Variants in ATM observed in about 807,000 individuals in gnomAD.
ATM encodes the protein ATM serine/threonine kinase, also known as serine-protein kinase ATM.
A neutral mutation model predicts 387.0 loss-of-function variants in ATM; 308 were observed. The observed-to-expected ratio is 0.80, with a 90% CI of 0.73 to 0.87. ATM has a LOEUF of 0.87. Among genes scored for constraint, ATM ranks in the 40% least tolerant of loss-of-function variants. The probability of loss-of-function intolerance (pLI) is 0.00; values close to 1 mark genes in which losing one functional copy is unlikely to be tolerated. For synonymous variants in ATM, 1,156 were observed against 1,187.3 expected, an observed-to-expected ratio of 0.97 and a Z score of 0.54; for missense variants, 3,312 against 3,560.9, an observed-to-expected ratio of 0.93 and a Z score of 1.78.
chr11:108,241,738 C>CTTTTTTTTTTT (rs1235260816), intron 5 of ATM, among the ~76,000 whole-genome samples: 7 of 82,088 alleles, frequency 8.5e-5, no homozygotes, highest in Admixed American at 1.6e-4. Flanking sequence ...GTCTTTCTTT[C>CTTTTTTTTTTT]TTTCTTTTTT....
At chr11:108,256,733 G>A (rs921021792) in intron 14 of ATM, among the ~76,000 whole-genome samples, 3 of 151,944 alleles carry the variant, frequency 2.0e-5, no homozygotes, top group Non-Finnish European at 4.4e-5. Flanking sequence ...TGTTCTCATT[G>A]TTCAGCTGCC....
At chr11:108,334,069 A>G in intron 54 of ATM, 101 bp downstream of exon 54, 3 of 895,602 alleles carry the variant, frequency 3.3e-6, no homozygotes, top group Non-Finnish European at 5.4e-6. Flanking sequence ...TTGGTTAAAT[A>G]TTGGCAAATT....
chr11:108,255,974 C>G (rs1392826715), intron 13 of ATM, among the ~76,000 whole-genome samples: 1 of 152,104 alleles, frequency 6.6e-6, no homozygotes, highest in Non-Finnish European at 1.5e-5. Context: ...ACCCTCCACC[C>G]TAAGATGATA....
chr11:108,303,104 A>AT, intron 36 of ATM, 75 bp downstream of exon 36: 1 of 1,338,412 alleles, frequency 7.5e-7, no homozygotes, highest in Non-Finnish European at 1.1e-6. Context: ...GATACTGCAC[A>AT]TCATCTTCAC....
At chr11:108,249,164 A>T (rs2079996803) in intron 9 of ATM, 62 bp downstream of exon 9, 1 of 1,586,224 alleles carries the variant, frequency 6.3e-7, no homozygotes, top group Admixed American at 1.7e-5. Context: ...ATTTTTCAGA[A>T]AACTTTCAGT....
intron 55 of ATM, chr11:108,335,441 G>C: frequency 1.8e-6 from 1 of 541,710 alleles, no homozygotes. Context: ...GACGTCCTTT[G>C]CATCAGTATA....
intron 16 of ATM, among the ~76,000 whole-genome samples, chr11:108,260,777 G>A (rs1206975955): frequency 1.3e-5 from 2 of 152,200 alleles, no homozygotes. Context: ...AGGTCAGTGG[G>A]TGTGCGCACC....
Position 108,327,574 on chromosome 11 carries a change from C to T in ATM, c.6976-71C>T, listed in dbSNP as rs3092830. On this transcript the variant is annotated intron_variant, in intron 47 of 62. Transcript: ENST00000675843. ...AACATTTTTAACCTGCTTTTTTCCC[C>T]GTACATGAAGGGCAGTTGGGTACAG... The T allele has an allele frequency of 2.4e-3, 3,109 of 1,284,132 alleles. 42 individuals carry two copies. The African/African-American group carries it at 0.032, about 13-fold the overall frequency. The allele number at this position is 1,284,132 out of a possible 1,614,324, so 79.5% of individuals were successfully genotyped here.
intron 12 of ATM, 81 bp from the exon 13 acceptor site, chr11:108,253,733 C>A: frequency 1.0e-6 from 1 of 978,102 alleles, no homozygotes. Context: ...TTAATGTTTT[C>A]CTTTGTAATA....
chr11:108,332,008 G>A lies in ATM; in HGVS notation c.7759G>A (p.Val2587Met), dbSNP rs1285491916. Residue 2587 changes from valine to methionine, a missense_variant, in exon 52 of 63, where the codon GTG becomes ATG. Physicochemically the swap from Val to Met is conservative, Grantham distance 21. Around this residue, in one of 4 missense-constraint regions of ATM, gnomAD observed 1,405 missense variants for 1,604.4 expected, o/e 0.88. Coordinates refer to ENST00000675843, the MANE Select transcript of ATM (RefSeq NM_000051.4). ...CAGAAGAAGCAGAATAACTAAAAATGTGCCTAAACAAAGCTCTCAGCTTGA... is the reference window on the plus strand; with the variant it reads ...CAGAAGAAGCAGAATAACTAAAAATATGCCTAAACAAAGCTCTCAGCTTGA... ...VARRSRITKN[V>M]PKQSSQLDED... 1 of 1,613,980 alleles carries A rather than the reference G, an allele frequency of 6.2e-7. No homozygotes were observed. Among genetic ancestry groups the A allele is most frequent in the Non-Finnish European group, 8.5e-7 (1 of 1,179,928 alleles).
At chr11:108,261,400 C>T (rs553878299) in intron 16 of ATM, among the ~76,000 whole-genome samples, 7 of 152,318 alleles carry the variant, frequency 4.6e-5, no homozygotes, top group African/African-American at 1.4e-4. Flanking sequence ...CAGGGTACTC[C>T]AACAGGCCTG....
chr11:108,313,459 C>G (rs1186614252), intron 40 of ATM, among the ~76,000 whole-genome samples: 1 of 152,276 alleles, frequency 6.6e-6, no homozygotes, highest in East Asian at 1.9e-4. Context: ...GCTAATGTCT[C>G]TCATAAACTT....
At chr11:108,355,190 G>T in intron 61 of ATM, 1 of 316,588 alleles carries the variant, frequency 3.2e-6, no homozygotes, top group Non-Finnish European at 6.0e-6. Flanking sequence ...GTTTCCATTA[G>T]GGTTTAAGAA....
rs760542469 is a variant in ATM at position 108,292,698 on chromosome 11, G to A, written c.4516G>A (p.Val1506Met). 3.1e-6 allele frequency: 5 copies of A among 1,613,766 alleles called. No individual in the cohort carries two copies. The highest frequency in any genetic ancestry group is 4.2e-6 in the Non-Finnish European group (5 of 1,179,926). The change falls in exon 30 of 63, where the codon GTG becomes ATG. Residue 1506 changes from valine (V) to methionine (M), a missense_variant. Val to Met is a conservative substitution (Grantham distance 21). Coordinates refer to ENST00000675843, the MANE Select transcript of ATM (RefSeq NM_000051.4). ...ATTAAGTCAGGTTTGCCAGACAGCC[G>A]TGACTTACTGTAAGGATGCTCTAGA... ...DLLSQVCQTA[V>M]TYCKDALENH...
In ATM at chr11:108,329,234, A is replaced by G. The variant is rs1555122326; in HGVS notation, c.7303A>G (p.Asn2435Asp). The G allele has an allele frequency of 5.6e-6, 9 of 1,611,364 alleles. No individual in the cohort carries two copies. The highest frequency in any genetic ancestry group is 7.6e-6 in the Non-Finnish European group (9 of 1,177,712). Residue 2435 changes from asparagine (N) to aspartate (D), a missense_variant, in exon 49 of 63, where the codon AAC (asparagine) becomes GAC (aspartate). By Grantham distance (23) the Asn-to-Asp change is conservative. Around this residue, in one of 4 missense-constraint regions of ATM, gnomAD observed 1,405 missense variants for 1,604.4 expected, o/e 0.88. Coordinates refer to ENST00000675843, the MANE Select transcript of ATM (RefSeq NM_000051.4). ...CCTTAGGGAACATAAAATTCAGACA[A>G]ACAGGTAACTAGGTTTCTACAAGTG... ...GLLREHKIQT[N>D]RYTVKVQREL...
Position 108,343,370 on chromosome 11 carries a change from T to C in ATM, c.8417T>C (p.Met2806Thr), listed in dbSNP as rs1234463032. 6.2e-7 allele frequency: 1 copy of C among 1,613,846 alleles called. No individual in the cohort carries two copies. Among genetic ancestry groups the C allele is most frequent in the South Asian group, 1.1e-5 (1 of 91,074 alleles). Reference sequence around the variant, plus strand: ...GCCTTTCAGTGCCAAAAGAAAATGATGGTGAGTGACACCCAAAATTAAAGG... The same window carrying C: ...GCCTTTCAGTGCCAAAAGAAAATGACGGTGAGTGACACCCAAAATTAAAGG... ...FSAFQCQKKMMEVQKKSFEEK... is the reference protein window; with the variant it reads ...FSAFQCQKKMTEVQKKSFEEK... The change falls in exon 57 of 63, where the codon ATG becomes ACG. Residue 2806 changes from methionine to threonine, a missense_variant and splice_region_variant. Met to Thr is a moderately conservative substitution (Grantham distance 81). Coordinates refer to ENST00000675843, the MANE Select transcript of ATM (RefSeq NM_000051.4).
chr11:108,327,001 T>C (rs2085744716), intron 47 of ATM, among the ~76,000 whole-genome samples: 1 of 152,108 alleles, frequency 6.6e-6, no homozygotes, highest in Non-Finnish European at 1.5e-5. Flanking sequence ...AATTTTTTTG[T>C]ATTTTTAGTA....
intron 17 of ATM, 27 bp downstream of exon 17, chr11:108,267,369 T>C (rs1270098445): frequency 3.7e-6 from 6 of 1,603,962 alleles, no homozygotes; most frequent in Non-Finnish European, 5.1e-6. Context: ...TACTTGGGAT[T>C]TCTTTTACTT....
At chr11:108,246,248 T>C (rs560271183) in intron 7 of ATM, among the ~76,000 whole-genome samples, 1 of 152,308 alleles carries the variant, frequency 6.6e-6, no homozygotes, top group Non-Finnish European at 1.5e-5. Flanking sequence ...TTTAATAGTT[T>C]TTCATCTTTT....
Sources: allele counts gnomAD v4.1 joint callset (sites outside exome capture counted in the v4.1 genomes callset), GRCh38; gene constraint gnomAD v4.1.1; regional missense constraint gnomAD v4.1.1; transcripts MANE v1.5; gene names NCBI Gene and HGNC (gene_info 2026-07-23, HGNC 2026-07-21).